The following SNX29 variants were observed in gnomAD, a reference collection of about 807,000 sequenced individuals.
SNX29 encodes sorting nexin-29.
A neutral mutation model predicts 102.1 loss-of-function variants in SNX29; 78 were observed. That is an observed-to-expected ratio of 0.76 (90% confidence interval 0.64 to 0.92). SNX29 has a LOEUF of 0.92. Ranked by LOEUF, SNX29 falls within the 40% of genes least tolerant of loss-of-function variation. The pLI is 0.00. For missense variants in SNX29, 1,280 were observed against 1,061.7 expected (o/e 1.21, Z -2.86); for synonymous variants, 580 against 414.5 (o/e 1.40, Z -4.85).
chr16:12,555,807 C>G (rs144679029), intron 20 of SNX29, among the ~76,000 whole-genome samples: 16 of 151,654 alleles, frequency 1.1e-4, no homozygotes, highest in African/African-American at 2.9e-4. Flanking sequence ...CTGCCTGCCT[C>G]TGCAAGAAAG....
intron 18 of SNX29, among the ~76,000 whole-genome samples, chr16:12,408,569 C>A (rs1433622373): frequency 6.6e-6 from 1 of 152,228 alleles, no homozygotes; most frequent in Non-Finnish European, 1.5e-5. Context: ...GCCTGTAATC[C>A]CAGCACTTTG....
chr16:12,376,314 G>C (rs1381647261), intron 16 of SNX29, among the ~76,000 whole-genome samples: 1 of 152,358 alleles, frequency 6.6e-6, no homozygotes, highest in South Asian at 2.1e-4. Context: ...GCAATCGCTA[G>C]TTATTTTATG....
intron 18 of SNX29, among the ~76,000 whole-genome samples, chr16:12,448,594 AT>A (rs1462794542): frequency 6.6e-6 from 1 of 151,940 alleles, no homozygotes; most frequent in Non-Finnish European, 1.5e-5. Context: ...TGAGAAGTTG[AT>A]GAGAAAAGAG....
intron 13 of SNX29, among the ~76,000 whole-genome samples, chr16:12,151,532 G>T (rs1370713269): frequency 6.6e-6 from 1 of 152,174 alleles, no homozygotes; most frequent in African/African-American, 2.4e-5. Flanking sequence ...ACCGGGGCCT[G>T]CCTGCTTCCT....
intron 15 of SNX29, among the ~76,000 whole-genome samples, chr16:12,292,545 G>A (rs770066649): frequency 5.3e-5 from 8 of 152,164 alleles, no homozygotes; most frequent in Non-Finnish European, 1.0e-4. Context: ...GTTTTGTCAG[G>A]TCAGTGGTGC....
intron 13 of SNX29, among the ~76,000 whole-genome samples, chr16:12,179,068 G>A (rs2076324035): frequency 1.3e-5 from 2 of 152,258 alleles, no homozygotes; most frequent in Admixed American, 1.3e-4. Flanking sequence ...GAAATGATGA[G>A]GTATTTTAAA....
intron 15 of SNX29, chr16:12,297,236 G>C: frequency 6.6e-6 from 1 of 152,454 alleles, no homozygotes; most frequent in East Asian, 1.9e-4. Context: ...ACACGGGGCA[G>C]TGTGCGGTGA....
Position 12,438,029 on chromosome 16 carries a change from G to A in SNX29, c.2037+34500G>A, listed in dbSNP as rs138695797. 4.6e-3 allele frequency among the ~76,000 whole-genome samples: 703 copies of A among 152,248 alleles called. 4 individuals are homozygous for A. The highest frequency in any genetic ancestry group is 0.012 in the African/African-American group (502 of 41,538). ...CTTGGACTTGGACTTGGGAGCACACGTCCACTCTTGGCCAGGGGCTGCTGG... is the reference window on the plus strand; with the variant it reads ...CTTGGACTTGGACTTGGGAGCACACATCCACTCTTGGCCAGGGGCTGCTGG... On this transcript the variant is annotated intron_variant, in intron 18 of 20. Transcript: ENST00000566228.
chr16:12,178,714 C>A (rs1439796343), intron 13 of SNX29, among the ~76,000 whole-genome samples: 2 of 152,186 alleles, frequency 1.3e-5, no homozygotes, highest in Non-Finnish European at 2.9e-5. Context: ...GGTCGCCTGT[C>A]TTCAGCATCC....
intron 20 of SNX29, among the ~76,000 whole-genome samples, chr16:12,544,125 C>T (rs757716272): frequency 1.3e-5 from 2 of 152,198 alleles, no homozygotes; most frequent in Non-Finnish European, 1.5e-5. Context: ...AAAACAAGTC[C>T]ATAACCCTAT....
intron 18 of SNX29, among the ~76,000 whole-genome samples, chr16:12,450,936 G>T (rs191041112): frequency 1.2e-3 from 176 of 152,260 alleles, no homozygotes; most frequent in Non-Finnish European, 1.9e-3. Context: ...CCCCCTGCTT[G>T]CCCAGTAAGC....
intron 14 of SNX29, among the ~76,000 whole-genome samples, chr16:12,251,218 A>G (rs1384730761): frequency 1.3e-5 from 2 of 152,242 alleles, no homozygotes; most frequent in Non-Finnish European, 2.9e-5. Flanking sequence ...AGTGGACGTG[A>G]TAATAGCTCC....
chr16:12,089,802 T>C (rs752793886), intron 11 of SNX29: 4 of 363,964 alleles, frequency 1.1e-5, no homozygotes, highest in South Asian at 8.4e-5. Flanking sequence ...TGAAGCCTGC[T>C]TGCCACGCAG....
At chr16:12,062,772 G>A (rs1429727735) in intron 9 of SNX29, among the ~76,000 whole-genome samples, 1 of 152,190 alleles carries the variant, frequency 6.6e-6, no homozygotes, top group Non-Finnish European at 1.5e-5. Flanking sequence ...GAACTGGGGT[G>A]TAGATTCTTC....
chr16:12,382,630 G>C (rs1394090004), intron 16 of SNX29, among the ~76,000 whole-genome samples: 7 of 152,224 alleles, frequency 4.6e-5, no homozygotes, highest in African/African-American at 1.7e-4. Context: ...CCATAAACGT[G>C]CTGGCTTAAA....
At chr16:12,556,887 C>A (rs148471343) in intron 20 of SNX29, among the ~76,000 whole-genome samples, 1 of 148,570 alleles carries the variant, frequency 6.7e-6, no homozygotes, top group East Asian at 1.9e-4. Flanking sequence ...GGGTCTCCGT[C>A]TGTCTCCTCA....
chr16:12,497,673 T>G (rs1364465977), intron 19 of SNX29, among the ~76,000 whole-genome samples: 1 of 152,192 alleles, frequency 6.6e-6, no homozygotes, highest in African/African-American at 2.4e-5. Context: ...TTCCTGTTTT[T>G]TTCTCTGCCT....
chr16:11,991,231 TA>T (rs1348875928), intron 1 of SNX29, among the ~76,000 whole-genome samples: 2 of 152,236 alleles, frequency 1.3e-5, no homozygotes, highest in African/African-American at 4.8e-5. Context: ...TATCCTGTAA[TA>T]CTAGTAAGTC....
intron 18 of SNX29, among the ~76,000 whole-genome samples, chr16:12,415,736 G>T (rs780626982): frequency 6.6e-6 from 1 of 152,132 alleles, no homozygotes; most frequent in Non-Finnish European, 1.5e-5. Flanking sequence ...CCTCCCCAGC[G>T]GGTCTCCATG....
Sources: allele counts gnomAD v4.1 joint callset (sites outside exome capture counted in the v4.1 genomes callset), GRCh38; gene constraint gnomAD v4.1.1; transcripts MANE v1.5; gene names NCBI Gene and HGNC (gene_info 2026-07-23, HGNC 2026-07-21).